Variants in SGCZ observed in about 807,000 individuals in gnomAD.
SGCZ encodes zeta-sarcoglycan.
A neutral mutation model predicts 41.3 loss-of-function variants in SGCZ; 40 were observed. The observed-to-expected ratio is 0.97, with a 90% confidence interval of 0.75 to 1.26. The LOEUF (loss-of-function observed/expected upper bound fraction) is 1.26. Ranked by LOEUF, SGCZ falls within the 50% of genes most tolerant of loss-of-function variation. The pLI, the probability that SGCZ is intolerant of heterozygous loss-of-function variation, is 0.00. For synonymous variants in SGCZ, 206 were observed against 137.5 expected (o/e 1.50, Z -3.49); for missense variants, 552 against 369.8 (o/e 1.49, Z -4.04).
intron 1 of SGCZ, among the ~76,000 whole-genome samples, chr8:15,223,461 T>G (rs180879210): frequency 2.0e-5 from 3 of 152,336 alleles, no homozygotes; most frequent in Admixed American, 1.3e-4. Context: ...TAGAAATATG[T>G]AGTAAATCAC....
At chr8:14,159,141 T>C (rs551259872) in intron 5 of SGCZ, among the ~76,000 whole-genome samples, 1 of 152,228 alleles carries the variant, frequency 6.6e-6, no homozygotes, top group East Asian at 1.9e-4. Context: ...GGATAAATTA[T>C]GAGATTTTGT....
At chr8:14,754,478 C>T (rs1421866477) in intron 1 of SGCZ, among the ~76,000 whole-genome samples, 2 of 152,082 alleles carry the variant, frequency 1.3e-5, no homozygotes, top group Non-Finnish European at 2.9e-5. Flanking sequence ...TGCTTCTTGT[C>T]TATTCATCTC....
chr8:14,439,705 A>C (rs1008630029), intron 2 of SGCZ, among the ~76,000 whole-genome samples: 2 of 152,034 alleles, frequency 1.3e-5, no homozygotes, highest in Admixed American at 6.6e-5. Context: ...ATAGAGAATA[A>C]AATTGACAAA....
chr8:15,062,068 T>C (rs1402850652), intron 1 of SGCZ, among the ~76,000 whole-genome samples: 1 of 152,188 alleles, frequency 6.6e-6, no homozygotes. Flanking sequence ...TCTTCAACTT[T>C]AGTTGAAAGA....
At chr8:14,568,786 T>C (rs1804462285) in intron 1 of SGCZ, among the ~76,000 whole-genome samples, 1 of 152,194 alleles carries the variant, frequency 6.6e-6, no homozygotes, top group African/African-American at 2.4e-5. Flanking sequence ...AGAATCACCG[T>C]AGTGCCATTT....
intron 1 of SGCZ, among the ~76,000 whole-genome samples, chr8:15,024,466 C>T (rs1453952986): frequency 6.6e-6 from 1 of 152,128 alleles, no homozygotes; most frequent in Non-Finnish European, 1.5e-5. Context: ...ATAAAATCCA[C>T]TGGTTCTGTA....
chr8:14,713,708 G>C (rs1253890833), intron 1 of SGCZ, among the ~76,000 whole-genome samples: 1 of 143,064 alleles, frequency 7.0e-6, no homozygotes, highest in Non-Finnish European at 1.5e-5. Flanking sequence ...AAAAAAAAAA[G>C]CTAAAGAAGG....
At chr8:14,468,387 T>A (rs1801111684) in intron 2 of SGCZ, among the ~76,000 whole-genome samples, 1 of 152,120 alleles carries the variant, frequency 6.6e-6, no homozygotes, top group South Asian at 2.1e-4. Flanking sequence ...CAATTTATTT[T>A]AAATATCTTG....
At chr8:14,502,027 G>A (rs1802170648) in intron 2 of SGCZ, among the ~76,000 whole-genome samples, 1 of 151,980 alleles carries the variant, frequency 6.6e-6, no homozygotes, top group South Asian at 2.1e-4. Flanking sequence ...AAAGTAATTA[G>A]AAATTAAGAA....
chr8:14,981,521 CA>C (rs1801662254), intron 1 of SGCZ, among the ~76,000 whole-genome samples: 1 of 152,170 alleles, frequency 6.6e-6, no homozygotes, highest in Admixed American at 6.5e-5. Context: ...TAATCATCAG[CA>C]TGAAATTTCC....
chr8:14,994,191 A>G (rs1416966026), intron 1 of SGCZ, among the ~76,000 whole-genome samples: 1 of 152,214 alleles, frequency 6.6e-6, no homozygotes, highest in African/African-American at 2.4e-5. Flanking sequence ...TGATCTCCCC[A>G]CATTTGGTCT....
At position 15,089,890 on chromosome 8, in the gene SGCZ, A is replaced by C. The variant is rs189228308; in HGVS notation, c.39+147695T>G. On this transcript the variant is annotated intron_variant, in intron 1 of 7. Coordinates refer to ENST00000382080, the MANE Select transcript of SGCZ (RefSeq NM_139167.4). ...GCTCAGTTAATACTGTGTTCAGAGA[A>C]GACTAATGAGAAAGAACAATCAAGT... Among the ~76,000 whole-genome samples, 45 of 152,350 alleles carry C rather than the reference A, an allele frequency of 3.0e-4. No individual in the cohort carries two copies. In the East Asian group the frequency reaches 8.5e-3, roughly 29 times the overall value.
At chr8:14,664,499 T>C (rs1443312729) in intron 1 of SGCZ, among the ~76,000 whole-genome samples, 2 of 152,168 alleles carry the variant, frequency 1.3e-5, no homozygotes, top group South Asian at 2.1e-4. Flanking sequence ...GAAAAAGATA[T>C]GTGATATTTC....
chr8:14,164,705 A>G lies in SGCZ; in HGVS notation c.425-3T>C. The G allele has an allele frequency of 1.2e-6, 2 of 1,613,252 alleles. No individual in the cohort carries two copies. Among genetic ancestry groups the G allele is most frequent in the Non-Finnish European group, 1.7e-6 (2 of 1,179,476 alleles). The stretch of plus-strand genomic sequence containing the variant: ...CTGAGCTTCCACAGCATCAGCTCCT[A>G]TGGTCAGAGGAAAGGTTTAAAAATG... On this transcript the variant is annotated splice_region_variant and splice_polypyrimidine_tract_variant and intron_variant, in intron 4 of 7. Transcript: ENST00000382080.
intron 5 of SGCZ, among the ~76,000 whole-genome samples, chr8:14,144,413 C>T (rs1278558195): frequency 6.6e-6 from 1 of 152,134 alleles, no homozygotes; most frequent in Admixed American, 6.5e-5. Context: ...AGGACCCAGT[C>T]CTTGCAGAGT....
At chr8:14,351,638 C>T (rs551464507) in intron 2 of SGCZ, among the ~76,000 whole-genome samples, 14 of 151,142 alleles carry the variant, frequency 9.3e-5, no homozygotes, top group African/African-American at 3.4e-4. Context: ...ATTTTAGTAC[C>T]CACAAGGCAA....
At chr8:15,016,096 T>C (rs1803022937) in intron 1 of SGCZ, among the ~76,000 whole-genome samples, 1 of 152,162 alleles carries the variant, frequency 6.6e-6, no homozygotes. Context: ...GAGTAAAATA[T>C]ATAGGTCTTG....
intron 3 of SGCZ, among the ~76,000 whole-genome samples, chr8:14,270,143 C>G (rs1047757361): frequency 1.3e-5 from 2 of 148,260 alleles, no homozygotes; most frequent in African/African-American, 4.9e-5. Context: ...ACCAGCCTGG[C>G]CAACATGGTG....
chr8:14,658,666 C>T (rs945025409), intron 1 of SGCZ, among the ~76,000 whole-genome samples: 1 of 152,136 alleles, frequency 6.6e-6, no homozygotes, highest in African/African-American at 2.4e-5. Context: ...CTTTCCATAC[C>T]ACTCTCCTTC....
Sources: allele counts gnomAD v4.1 joint callset (sites outside exome capture counted in the v4.1 genomes callset), GRCh38; gene constraint gnomAD v4.1.1; transcripts MANE v1.5; gene names NCBI Gene and HGNC (gene_info 2026-07-23, HGNC 2026-07-21).